PDK1: variants seen among roughly 807,000 people sequenced by gnomAD.
The protein encoded by PDK1 is pyruvate dehydrogenase kinase 1, also known as [Pyruvate dehydrogenase (acetyl-transferring)] kinase isozyme 1, mitochondrial.
A neutral mutation model predicts 54.2 loss-of-function variants in PDK1; 39 were observed. That is an observed-to-expected ratio of 0.72 (90% CI 0.56 to 0.94). The LOEUF (loss-of-function observed/expected upper bound fraction) is 0.94, where lower values mean the gene tolerates loss of function less well. Ranked by LOEUF, PDK1 falls within the 40% of genes least tolerant of loss-of-function variation. The pLI is 0.00. For synonymous variants in PDK1, 221 were observed against 207.1 expected (o/e 1.07, Z -0.58); for missense variants, 552 against 566.0 (o/e 0.98, Z 0.25).
chr2:172,615,635 CATT>C, the PDK1 span, among the ~76,000 whole-genome samples: 6 of 151,348 alleles, frequency 4.0e-5, no homozygotes, highest in Non-Finnish European at 8.8e-5. Flanking sequence ...AAAAAAAAAA[CATT>C]AATTAATAGA....
the PDK1 span, among the ~76,000 whole-genome samples, chr2:172,675,630 G>T: frequency 1.3e-5 from 2 of 152,228 alleles, no homozygotes; most frequent in African/African-American, 2.4e-5. Context: ...GCTACTAGAG[G>T]TGGGTCCATG....
the PDK1 span, among the ~76,000 whole-genome samples, chr2:172,637,867 C>T: frequency 6.6e-6 from 1 of 151,802 alleles, no homozygotes; most frequent in East Asian, 1.9e-4. Context: ...AGCTAATTTT[C>T]TTGTATTTTT....
the PDK1 span, among the ~76,000 whole-genome samples, chr2:172,693,795 G>T: frequency 6.6e-6 from 1 of 152,018 alleles, no homozygotes; most frequent in South Asian, 2.1e-4. Context: ...CTCACTTGGT[G>T]CCCATAGGAA....
chr2:172,629,576 A>G, the PDK1 span, among the ~76,000 whole-genome samples: 4 of 152,146 alleles, frequency 2.6e-5, no homozygotes, highest in East Asian at 3.8e-4. Flanking sequence ...CCACCACTCA[A>G]TAAAATCCTC....
At chr2:172,666,652 C>T in the PDK1 span, among the ~76,000 whole-genome samples, 1 of 152,056 alleles carries the variant, frequency 6.6e-6, no homozygotes, top group African/African-American at 2.4e-5. Flanking sequence ...GAACAGGTGA[C>T]TCAGGGTGAC....
the PDK1 span, among the ~76,000 whole-genome samples, chr2:172,619,678 C>T: frequency 1.3e-5 from 2 of 152,064 alleles, no homozygotes; most frequent in African/African-American, 4.8e-5. Context: ...CAATTACACC[C>T]AAGGATATTG....
In PDK1 at chr2:172,593,037, A is replaced by G. The variant is rs1690690317; in HGVS notation, c.1159A>G (p.Ile387Val). ...SLEGYGTDAV[I>V]YIKALSTDSI... ...AGAGGGTTACGGGACAGATGCAGTT[A>G]TCTACATTAAGGTAATAGCTGTAGT... Residue 387 changes from isoleucine to valine, a missense_variant, in exon 10 of 11, where the codon ATC (isoleucine) becomes GTC (valine). Coordinates refer to ENST00000282077, the MANE Select transcript of PDK1 (RefSeq NM_002610.5). 3 of 1,528,632 alleles carry G rather than the reference A, an allele frequency of 2.0e-6. No homozygotes were observed. Among genetic ancestry groups the G allele is most frequent in the African/African-American group, 1.4e-5 (1 of 73,242 alleles). 94.7% of individuals were successfully genotyped at this position (1,528,632 alleles called of 1,614,324 possible). A position where few individuals can be genotyped will look rare whatever the true frequency, so the allele number is the denominator to read the frequency against.
At chr2:172,632,723 T>A in the PDK1 span, among the ~76,000 whole-genome samples, 1 of 152,096 alleles carries the variant, frequency 6.6e-6, no homozygotes, top group South Asian at 2.1e-4. Flanking sequence ...GGCTCACGCC[T>A]GTAATCCCAG....
At chr2:172,579,269 C>CT (rs1428588635) in intron 8 of PDK1, among the ~76,000 whole-genome samples, 1 of 152,056 alleles carries the variant, frequency 6.6e-6, no homozygotes, top group African/African-American at 2.4e-5. Flanking sequence ...GACTTTTGTA[C>CT]TGGGGAGCTC....
At chr2:172,670,865 G>A in the PDK1 span, among the ~76,000 whole-genome samples, 1 of 152,124 alleles carries the variant, frequency 6.6e-6, no homozygotes, top group Admixed American at 6.5e-5. Flanking sequence ...GAGATAAAAG[G>A]CACGAACGTC....
intron 8 of PDK1, among the ~76,000 whole-genome samples, chr2:172,584,830 G>GT (rs1273636309): frequency 0.072 from 8,334 of 116,366 alleles, 457 homozygotes; most frequent in East Asian, 0.24. Context: ...TAATTTTAAA[G>GT]TTTTTTTTTT....
chr2:172,646,929 G>T, the PDK1 span, among the ~76,000 whole-genome samples: 2 of 151,766 alleles, frequency 1.3e-5, no homozygotes, highest in African/African-American at 4.8e-5. Context: ...TAGAGACGGG[G>T]TTTCACCATG....
the PDK1 span, among the ~76,000 whole-genome samples, chr2:172,637,587 T>G: frequency 1.3e-5 from 2 of 152,256 alleles, no homozygotes; most frequent in African/African-American, 4.8e-5. Context: ...AGATTTACAT[T>G]TAAGTCACCA....
chr2:172,718,203 C>G, the PDK1 span, among the ~76,000 whole-genome samples: 1 of 151,998 alleles, frequency 6.6e-6, no homozygotes, highest in Non-Finnish European at 1.5e-5. Flanking sequence ...AGAAATCAGC[C>G]TTTAGTTTTA....
chr2:172,676,408 T>G, the PDK1 span, among the ~76,000 whole-genome samples: 1 of 152,200 alleles, frequency 6.6e-6, no homozygotes, highest in African/African-American at 2.4e-5. Context: ...GAGGTCAAAA[T>G]ATCAACATGA....
At chr2:172,653,992 C>CT in the PDK1 span, among the ~76,000 whole-genome samples, 2 of 152,174 alleles carry the variant, frequency 1.3e-5, no homozygotes, top group Non-Finnish European at 2.9e-5. Context: ...CAAAAGAAAA[C>CT]ATTTATGCAG....
chr2:172,670,776 T>C, the PDK1 span, among the ~76,000 whole-genome samples: 4 of 152,238 alleles, frequency 2.6e-5, no homozygotes, highest in African/African-American at 9.6e-5. Flanking sequence ...TCTTTATTTA[T>C]ATTTCTATTC....
chr2:172,609,361 A>C (rs1046942305), downstream of PDK1, among the ~76,000 whole-genome samples: 3 of 152,252 alleles, frequency 2.0e-5, no homozygotes, highest in African/African-American at 7.2e-5. Flanking sequence ...CAGTGTAAAC[A>C]ACTGGACTTC....
chr2:172,653,364 A>T, the PDK1 span, among the ~76,000 whole-genome samples: 2 of 152,170 alleles, frequency 1.3e-5, no homozygotes, highest in South Asian at 4.1e-4. Flanking sequence ...GCACTTTGGG[A>T]GGCTAAGGTG....
Sources: allele counts gnomAD v4.1 joint callset (sites outside exome capture counted in the v4.1 genomes callset), GRCh38; gene constraint gnomAD v4.1.1; transcripts MANE v1.5; gene names NCBI Gene and HGNC (gene_info 2026-07-23, HGNC 2026-07-21).